The following AHCTF1 variants were observed in gnomAD, a reference collection of about 807,000 sequenced individuals.
The protein encoded by AHCTF1 is AT-hook containing transcription factor 1, also known as protein ELYS.
In AHCTF1, 24 loss-of-function variants were observed where a neutral mutation model predicts 248.4. The ratio of observed to expected loss-of-function variants is 0.10; its 90% CI spans 0.07 to 0.14. AHCTF1 has a LOEUF of 0.14. Among genes scored for constraint, AHCTF1 ranks in the 10% least tolerant of loss-of-function variants. The pLI, the probability that AHCTF1 is intolerant of heterozygous loss-of-function variation, is 1.00. For missense variants in AHCTF1, 2,206 were observed against 2,636.2 expected (o/e 0.84, Z 3.57); for synonymous variants, 786 against 929.8 (o/e 0.85, Z 2.81).
chr1:246,903,660 C>CA (rs1553301273), intron 7 of AHCTF1, among the ~76,000 whole-genome samples: 1 of 117,202 alleles, frequency 8.5e-6, no homozygotes, highest in African/African-American at 3.4e-5. Flanking sequence ...AGACCCCCCC[C>CA]CCTCCGTCTC....
At chr1:246,916,080 A>G in intron 3 of AHCTF1, 62 bp downstream of exon 3, 1 of 1,552,500 alleles carries the variant, frequency 6.4e-7, no homozygotes, top group Non-Finnish European at 8.7e-7. Flanking sequence ...TAACACACCT[A>G]TATAACCAGC....
chr1:246,916,081 T>TG, intron 3 of AHCTF1, 61 bp downstream of exon 3: 2 of 1,554,292 alleles, frequency 1.3e-6, no homozygotes, highest in Non-Finnish European at 1.7e-6. Flanking sequence ...AACACACCTA[T>TG]ATAACCAGCA....
chr1:246,906,248 C>T (rs1665380844), intron 5 of AHCTF1, among the ~76,000 whole-genome samples: 2 of 152,224 alleles, frequency 1.3e-5, no homozygotes, highest in Middle Eastern at 3.4e-3. Context: ...AAGCCAGGTA[C>T]TGCAGGTATT....
chr1:246,873,230 T>G (rs918915055), intron 24 of AHCTF1, among the ~76,000 whole-genome samples: 1 of 152,198 alleles, frequency 6.6e-6, no homozygotes, highest in South Asian at 2.1e-4. Flanking sequence ...CTATACTCAT[T>G]ACTCTTCTGT....
chr1:246,923,078 TGAA>T (rs61465631), intron 1 of AHCTF1, among the ~76,000 whole-genome samples: 4,438 of 110,574 alleles, frequency 0.04, 256 homozygotes, highest in African/African-American at 0.14. Context: ...CAAAGGAGAA[TGAA>T]GAAGAAGTTA....
Position 246,851,059 on chromosome 1 carries a change from T to C in AHCTF1, c.4947A>G (p.Gln1649=), listed in dbSNP as rs371701056. Residue 1649 remains glutamine (Q), a synonymous_variant, in exon 33 of 36, where the codon CAA becomes CAG. Transcript: ENST00000648844. ...GTAAAGTGTCTACTTTTTGGGACTTTTGGTCACTAGTTACGGCAGATGGCA... is the reference window on the plus strand; with the variant it reads ...GTAAAGTGTCTACTTTTTGGGACTTCTGGTCACTAGTTACGGCAGATGGCA... ...ANLPSAVTSD[Q]KSQKVDTLPY... is the part of the protein sequence containing the mutation. 111 of 1,613,946 alleles carry C rather than the reference T, an allele frequency of 6.9e-5. No individual in the cohort carries two copies. Among genetic ancestry groups the C allele is most frequent in the East Asian group, 2.5e-4 (11 of 44,878 alleles).
intron 17 of AHCTF1, 66 bp from the exon 18 acceptor site, chr1:246,888,583 T>A (rs745741965): frequency 6.5e-6 from 10 of 1,546,548 alleles, no homozygotes; most frequent in Non-Finnish European, 7.9e-6. Flanking sequence ...GCAACCAGCA[T>A]CAAAATATTA....
At chr1:246,930,389 G>T (rs1667261278) in intron 1 of AHCTF1, among the ~76,000 whole-genome samples, 1 of 152,078 alleles carries the variant, frequency 6.6e-6, no homozygotes, top group Non-Finnish European at 1.5e-5. Context: ...GTATGTTACT[G>T]AAGGATCAGG....
Position 246,861,997 on chromosome 1 carries a change from A to C in AHCTF1, c.3697T>G (p.Phe1233Val). The C allele has an allele frequency of 6.2e-7, 1 of 1,612,736 alleles. No homozygotes were observed. Among genetic ancestry groups the C allele is most frequent in the East Asian group, 2.2e-5 (1 of 44,876 alleles). ...PQRLKETRISFVEEDVHPKWI... is the reference protein window; with the variant it reads ...PQRLKETRISVVEEDVHPKWI... ...TTTGGGTGGACATCTTCTTCCACAA[A>C]TGAAATTCTAGTTTCTTTAAGTCGT... Residue 1233 changes from phenylalanine (F) to valine (V), a missense_variant, in exon 28 of 36, where the codon TTT becomes GTT. By Grantham distance (50) the Phe-to-Val change is conservative. Transcript: ENST00000648844.
At chr1:246,844,437 A>G (rs1207769660) in intron 33 of AHCTF1, among the ~76,000 whole-genome samples, 1 of 152,200 alleles carries the variant, frequency 6.6e-6, no homozygotes, top group Non-Finnish European at 1.5e-5. Flanking sequence ...AAAAGGAGAA[A>G]GTGCCAGGTG....
rs200194769 is a variant in AHCTF1 at position 246,928,227 on chromosome 1, C to T, written c.-8+3351G>A. Among the ~76,000 whole-genome samples, 18 of 149,266 alleles carry T rather than the reference C, an allele frequency of 1.2e-4. No homozygotes were observed. The East Asian group carries it at 2.4e-3, about 20-fold the overall frequency. On this transcript the variant is annotated intron_variant, in intron 1 of 35. Transcript: ENST00000648844. ...CTGAGGCAGGAGAATGGCATGAACCCGGGAGGCGGACCTGGCAGTGAGCCG... is the reference window on the plus strand; with the variant it reads ...CTGAGGCAGGAGAATGGCATGAACCTGGGAGGCGGACCTGGCAGTGAGCCG...
rs1663988223 is a variant in AHCTF1, at chr1:246,888,528, G to A, written c.2145-11C>T. On this transcript the variant is annotated splice_polypyrimidine_tract_variant and intron_variant, in intron 17 of 35. Transcript: ENST00000648844. ...GGATTCCACTTCCCTCTGCAATCAG[G>A]GAAAAATTAAGACTTATTTAATATC... is the stretch of plus-strand genomic sequence containing the variant. 6.2e-7 allele frequency: 1 copy of A among 1,611,276 alleles called. No homozygotes were observed. The highest frequency in any genetic ancestry group is 1.3e-5 in the African/African-American group (1 of 74,790).
In AHCTF1 at chr1:246,839,161, A is replaced by G. The variant is rs1659659213; in HGVS notation, c.*1645T>C. ...CATTTATACGTAAGTACATACATTC[A>G]TTTAAAATATATGTAAAGTTCATTT... On this transcript the variant is annotated 3_prime_UTR_variant, in exon 36 of 36. Transcript: ENST00000648844. 1 of 152,232 alleles carries G rather than the reference A, an allele frequency of 6.6e-6. No individual in the cohort carries two copies. Among genetic ancestry groups the G allele is most frequent in the Admixed American group, 6.5e-5 (1 of 15,284 alleles). The allele number at this position is 152,232 out of a possible 1,614,324, so 9.4% of individuals were successfully genotyped here. A position where few individuals can be genotyped will look rare whatever the true frequency, so the allele number is the denominator to read the frequency against.
At chr1:246,847,424 C>A (rs1660360531) in intron 33 of AHCTF1, among the ~76,000 whole-genome samples, 1 of 152,078 alleles carries the variant, frequency 6.6e-6, no homozygotes, top group Non-Finnish European at 1.5e-5. Flanking sequence ...GAACGATATA[C>A]AGGAAAACGT....
chr1:246,916,402 G>C lies in AHCTF1; in HGVS notation c.122-7C>G. 1 of 1,585,058 alleles carries C rather than the reference G, an allele frequency of 6.3e-7. No individual in the cohort carries two copies. The highest frequency in any genetic ancestry group is 1.2e-5 in the South Asian group (1 of 86,418). On this transcript the variant is annotated splice_polypyrimidine_tract_variant and splice_region_variant and intron_variant, in intron 2 of 35. Coordinates refer to ENST00000648844, the MANE Select transcript of AHCTF1 (RefSeq NM_001323342.2). ...CAAGCAAGTCCATTTTTCCCTAGAA[G>C]AAAAAAAAATTGCCTATTTTAATAT...
intron 1 of AHCTF1, chr1:246,931,026 AG>A (rs1667312510): frequency 1.4e-6 from 2 of 1,431,202 alleles, no homozygotes; most frequent in South Asian, 2.9e-5. Context: ...AAGCACCCCA[AG>A]ATGTGCTTTT....
intron 13 of AHCTF1, among the ~76,000 whole-genome samples, chr1:246,894,979 C>T (rs376772059): frequency 2.7e-5 from 4 of 150,434 alleles, no homozygotes; most frequent in East Asian, 2.0e-4. Context: ...TGAGGAGCGA[C>T]GGCAAGCACA....
intron 13 of AHCTF1, among the ~76,000 whole-genome samples, chr1:246,895,509 G>A (rs940526827): frequency 6.6e-6 from 1 of 152,094 alleles, no homozygotes; most frequent in African/African-American, 2.4e-5. Context: ...AATCCAAAAA[G>A]GTTACATACT....
At chr1:246,875,132 C>A (rs529793286) in intron 24 of AHCTF1, among the ~76,000 whole-genome samples, 9 of 152,316 alleles carry the variant, frequency 5.9e-5, no homozygotes, top group Non-Finnish European at 2.9e-5. Context: ...CCATGACATG[C>A]GACCTATATA....
Sources: gnomAD v4.1 joint callset for allele counts (sites outside exome capture counted in the v4.1 genomes callset) on GRCh38, gnomAD v4.1.1 for gene constraint, MANE v1.5 for transcripts, NCBI Gene and HGNC (gene_info 2026-07-23, HGNC 2026-07-21) for gene names.